The following WDR31 variants were observed in gnomAD, a reference collection of about 807,000 sequenced individuals.
WDR31 encodes the protein WD repeat-containing protein 31.
Under a neutral mutation model 47.3 loss-of-function variants are expected in WDR31, and 30 were observed. The observed-to-expected ratio is 0.63, with a 90% CI of 0.47 to 0.86. The LOEUF is 0.86. Ranked by LOEUF, WDR31 falls within the 40% of genes least tolerant of loss-of-function variation. WDR31 has a pLI of 0.00. For synonymous variants in WDR31, 137 were observed against 159.4 expected (o/e 0.86, Z 1.06); for missense variants, 406 against 442.9 (o/e 0.92, Z 0.75).
chr9:113,322,630 C>A (rs773496773), intron 7 of WDR31, among the ~76,000 whole-genome samples, 181 bp downstream of exon 7: 8 of 152,148 alleles, frequency 5.3e-5, no homozygotes, highest in Admixed American at 1.3e-4. Flanking sequence ...GAGCAGAAGA[C>A]TCAAGGGAAC....
intron 5 of WDR31, among the ~76,000 whole-genome samples, chr9:113,326,845 T>C (rs984638184): frequency 1.3e-5 from 2 of 151,190 alleles, no homozygotes; most frequent in African/African-American, 4.9e-5. Flanking sequence ...TTGTCTTACT[T>C]TTTTTTTTGA....
Position 113,323,025 on chromosome 9 carries a change from A to G in WDR31, c.455T>C (p.Leu152Ser), listed in dbSNP as rs766339428. 7 of 1,614,066 alleles carry G rather than the reference A, an allele frequency of 4.3e-6. No individual in the cohort carries two copies. In the Admixed American group the frequency reaches 1.2e-4, roughly 27 times the overall value. The stretch of plus-strand genomic sequence containing the variant: ...CTTTGTTTTACCTGGACTCACAGCC[A>G]ATCCGGTGACCACCATGGCATGGCC... ...LCGHAMVVTG[L>S]AVSPDSSQLC... Residue 152 changes from leucine to serine, a missense_variant, in exon 6 of 11, where the codon TTG becomes TCG. Leu to Ser is a moderately radical substitution (Grantham distance 145). Transcript: ENST00000374193.
chr9:113,333,001 C>A (rs10122035), intron 2 of WDR31, among the ~76,000 whole-genome samples: 3,376 of 152,268 alleles, frequency 0.022, 131 homozygotes, highest in African/African-American at 0.077. Flanking sequence ...TGAGCCCTCA[C>A]CAGAAACAGA....
rs924203132 is a variant in WDR31, at chr9:113,314,505, G to C, written c.*2244C>G. On this transcript the variant is annotated 3_prime_UTR_variant, in exon 11 of 11. Transcript: ENST00000374193. ...TGGGATTACAGGCATGAGCCAACGCGTCCGGCAGAATGGTAAATGTTTAAT... is the reference window on the plus strand; with the variant it reads ...TGGGATTACAGGCATGAGCCAACGCCTCCGGCAGAATGGTAAATGTTTAAT... 6.6e-6 allele frequency: 1 copy of C among 152,076 alleles called. No homozygotes were observed. Among genetic ancestry groups the C allele is most frequent in the Admixed American group, 6.6e-5 (1 of 15,266 alleles). 9.4% of individuals were successfully genotyped at this position (152,076 alleles called of 1,614,324 possible). A position where few individuals can be genotyped will look rare whatever the true frequency, so the allele number is the denominator to read the frequency against.
Position 113,323,219 on chromosome 9 carries a change from A to G in WDR31, c.325-64T>C, listed in dbSNP as rs1001160945. On this transcript the variant is annotated intron_variant, in intron 5 of 10. Transcript: ENST00000374193. The stretch of plus-strand genomic sequence containing the variant: ...GTATGCTAGTTGGACTGGACTTTAA[A>G]TTGGGGGAAAGATGAGTCTGCATAA... The G allele has an allele frequency of 1.3e-5, 20 of 1,554,364 alleles. No individual in the cohort carries two copies. The Admixed American group carries it at 3.8e-4, about 30-fold the overall frequency.
chr9:113,317,836 C>T (rs757745546), intron 10 of WDR31, among the ~76,000 whole-genome samples: 5 of 152,184 alleles, frequency 3.3e-5, no homozygotes, highest in Admixed American at 1.3e-4. Flanking sequence ...CCACCACCAC[C>T]GATTCATAGC....
At position 113,318,642 on chromosome 9, in the gene WDR31, A is replaced by T; in HGVS notation, c.781-5T>A. 6.2e-7 allele frequency: 1 copy of T among 1,614,000 alleles called. No homozygotes were observed. The highest frequency in any genetic ancestry group is 8.5e-7 in the Non-Finnish European group (1 of 1,179,912). On this transcript the variant is annotated splice_polypyrimidine_tract_variant and splice_region_variant and intron_variant, in intron 9 of 10. Coordinates refer to ENST00000374193, the MANE Select transcript of WDR31 (RefSeq NM_001012361.4). The stretch of plus-strand genomic sequence containing the variant: ...AGTCTGTCTTAGGTCCCACAACTGC[A>T]AAGTAATGACATGGACCAGCTCATA...
rs267602091 is a variant in WDR31, at chr9:113,316,840, G to A, written c.1013C>T (p.Ser338Phe). 5 of 1,614,142 alleles carry A rather than the reference G, an allele frequency of 3.1e-6. No individual in the cohort carries two copies. Among genetic ancestry groups the A allele is most frequent in the Non-Finnish European group, 4.2e-6 (5 of 1,180,030 alleles). The change falls in exon 11 of 11, where the codon TCC becomes TTC. Residue 338 changes from serine to phenylalanine, a missense_variant. Ser to Phe is a radical substitution (Grantham distance 155). Transcript: ENST00000374193. The stretch of plus-strand genomic sequence containing the variant: ...TCTGTTAAAACTTGCACACAATAAG[G>A]AGATGGCGTCACCAACAGCCAGAGA... ...LTSLAVGDAI[S>F]LLCASFNRGI...
intron 5 of WDR31, among the ~76,000 whole-genome samples, chr9:113,328,025 C>T (rs1463511318): frequency 2.0e-5 from 3 of 152,202 alleles, no homozygotes; most frequent in African/African-American, 7.2e-5. Context: ...GCCACCATGC[C>T]TGGCCAGTCC....
At chr9:113,336,172 C>T (rs899782304) in intron 2 of WDR31, 116 bp downstream of exon 2, 1 of 152,190 alleles carries the variant, frequency 6.6e-6, no homozygotes, top group African/African-American at 2.4e-5. Context: ...ATTGCAGATG[C>T]TATAAATGGA....
intron 9 of WDR31, among the ~76,000 whole-genome samples, chr9:113,319,862 T>A (rs1455558564): frequency 6.6e-6 from 1 of 152,210 alleles, no homozygotes. Flanking sequence ...GCTGGTTCTG[T>A]GTTTAGCTCC....
In WDR31 at chr9:113,321,594, T is replaced by C. The variant is rs1280696436; in HGVS notation, c.571-16A>G. On this transcript the variant is annotated splice_polypyrimidine_tract_variant and intron_variant, in intron 7 of 10. Coordinates refer to ENST00000374193, the MANE Select transcript of WDR31 (RefSeq NM_001012361.4). Reference sequence around the variant, plus strand: ...GGTGAGTGACCTAGAAAAAGCAAAATGTTCAGAACTTCTCCACACCAAGTC... The same window carrying C: ...GGTGAGTGACCTAGAAAAAGCAAAACGTTCAGAACTTCTCCACACCAAGTC... The C allele has an allele frequency of 1.2e-6, 2 of 1,612,858 alleles. No individual in the cohort carries two copies. Among genetic ancestry groups the C allele is most frequent in the Non-Finnish European group, 1.7e-6 (2 of 1,179,062 alleles).
intron 5 of WDR31, among the ~76,000 whole-genome samples, chr9:113,325,591 A>G (rs1232678619): frequency 6.6e-6 from 1 of 151,892 alleles, no homozygotes; most frequent in African/African-American, 2.4e-5. Context: ...TTCAGAAAGA[A>G]AACAGAATCT....
Position 113,316,853 on chromosome 9 carries a change from C to CA in WDR31, c.999dup (p.Gly334TrpfsTer2). ...GCACACAATAAGGAGATGGCGTCACCAACAGCCAGAGAAGTCAAGGGTCCT... is the reference window on the plus strand; with the variant it reads ...GCACACAATAAGGAGATGGCGTCACCAAACAGCCAGAGAAGTCAAGGGTCCT... On this transcript the variant is annotated frameshift_variant, in exon 11 of 11. Coordinates refer to ENST00000374193, the MANE Select transcript of WDR31 (RefSeq NM_001012361.4). LOFTEE classifies it high-confidence loss of function. The CA allele has an allele frequency of 6.2e-7, 1 of 1,614,090 alleles. No homozygotes were observed. The highest frequency in any genetic ancestry group is 8.5e-7 in the Non-Finnish European group (1 of 1,180,018).
In WDR31 at chr9:113,331,978, C is replaced by T; in HGVS notation, c.45G>A (p.Lys15=). 6.2e-7 allele frequency: 1 copy of T among 1,614,014 alleles called. No individual in the cohort carries two copies. Among genetic ancestry groups the T allele is most frequent in the Non-Finnish European group, 8.5e-7 (1 of 1,179,916 alleles). The change falls in exon 3 of 11, where the codon AAG becomes AAA. Residue 15 remains lysine (K), a synonymous_variant. Transcript: ENST00000374193. ...RCQLKQAPPQ[K]VSFRFCVVMG... ...TCACGACACAAAACCTAAACGAAACCTTCTGTGGAGGAGCTTGTTTCAGTT... is the reference window on the plus strand; with the variant it reads ...TCACGACACAAAACCTAAACGAAACTTTCTGTGGAGGAGCTTGTTTCAGTT...
At chr9:113,322,666 C>A in intron 7 of WDR31, 145 bp downstream of exon 7, 1 of 670,030 alleles carries the variant, frequency 1.5e-6, no homozygotes, top group South Asian at 2.0e-5. Context: ...CCTGAGAGGC[C>A]AGGGTCTCAC....
At position 113,316,700 on chromosome 9, in the gene WDR31, G is replaced by A. The variant is rs1456590293; in HGVS notation, c.*49C>T. On this transcript the variant is annotated 3_prime_UTR_variant, in exon 11 of 11. Coordinates refer to ENST00000374193, the MANE Select transcript of WDR31 (RefSeq NM_001012361.4). Reference sequence around the variant, plus strand: ...ATAACTGGGAAAGACACAAAGCCATGCTGAGGAGGAGCCATGGTTTGATAT... The same window carrying A: ...ATAACTGGGAAAGACACAAAGCCATACTGAGGAGGAGCCATGGTTTGATAT... 1.3e-6 allele frequency: 2 copies of A among 1,580,020 alleles called. No individual in the cohort carries two copies. The highest frequency in any genetic ancestry group is 1.7e-6 in the Non-Finnish European group (2 of 1,162,090).
At position 113,319,453 on chromosome 9, in the gene WDR31, T is replaced by C. The variant is rs183624963; in HGVS notation, c.781-816A>G. ...TGCCTCTATTTCCTTGTCTGTGAAA[T>C]GGGAATTATAATAGTACCTAACTCA... On this transcript the variant is annotated intron_variant, in intron 9 of 10. Coordinates refer to ENST00000374193, the MANE Select transcript of WDR31 (RefSeq NM_001012361.4). Among the ~76,000 whole-genome samples the C allele has an allele frequency of 4.6e-5, 7 of 152,270 alleles. No homozygotes were observed. In the East Asian group the frequency reaches 1.3e-3, roughly 29 times the overall value.
chr9:113,319,598 A>G (rs1384326572), intron 9 of WDR31, among the ~76,000 whole-genome samples: 3 of 152,108 alleles, frequency 2.0e-5, no homozygotes, highest in African/African-American at 7.2e-5. Context: ...ATACTAGATA[A>G]CCCTTTTAAT....
Sources: allele counts gnomAD v4.1 joint callset (sites outside exome capture counted in the v4.1 genomes callset), GRCh38; gene constraint gnomAD v4.1.1; transcripts MANE v1.5; gene names NCBI Gene and HGNC (gene_info 2026-07-23, HGNC 2026-07-21).